RNLS: variants seen among roughly 807,000 people sequenced by gnomAD.
RNLS encodes renalase, FAD dependent amine oxidase.
In RNLS, 39 loss-of-function variants were observed where a neutral mutation model predicts 39.8. The ratio of observed to expected loss-of-function variants is 0.98; its 90% CI spans 0.76 to 1.28. The LOEUF (loss-of-function observed/expected upper bound fraction) is 1.28. RNLS is among the 50% of genes most tolerant of loss of function. The pLI is 0.00. For missense variants in RNLS, 410 were observed against 413.3 expected (o/e 0.99, Z 0.07); for synonymous variants, 147 against 150.7 (o/e 0.98, Z 0.18).
rs565993992 is a variant in RNLS at position 88,320,278 on chromosome 10, C to T, written c.701-5637G>A. On this transcript the variant is annotated intron_variant, in intron 5 of 6. Coordinates refer to ENST00000331772, the MANE Select transcript of RNLS (RefSeq NM_001031709.3). ...ACTCTTCTTTACCAGACCAGTCCTA[C>T]AAGAAAAGCTCAAAGAAGTTCTAAA... Among the ~76,000 whole-genome samples, 37 of 151,858 alleles carry T rather than the reference C, an allele frequency of 2.4e-4. No homozygotes were observed. The South Asian group carries it at 4.8e-3, about 20-fold the overall frequency.
rs1850245376 is a variant in RNLS, at chr10:88,576,938, C to T, written c.368-3877G>A. Reference sequence around the variant, plus strand: ...AAAACAAATAAATGCAGCAACAGCCCTCCCTATTGGTAGGACAAGCTAAAT... The same window carrying T: ...AAAACAAATAAATGCAGCAACAGCCTTCCCTATTGGTAGGACAAGCTAAAT... On this transcript the variant is annotated intron_variant, in intron 3 of 6. Transcript: ENST00000331772. Among the ~76,000 whole-genome samples the T allele has an allele frequency of 1.3e-5, 2 of 152,140 alleles. 1 individual carries two copies. The highest frequency in any genetic ancestry group is 4.8e-5 in the African/African-American group (2 of 41,428).
At chr10:88,359,127 A>G (rs1209623059) in intron 5 of RNLS, among the ~76,000 whole-genome samples, 1 of 152,158 alleles carries the variant, frequency 6.6e-6, no homozygotes, top group Non-Finnish European at 1.5e-5. Flanking sequence ...AGACTGGCCA[A>G]CTTGGTGAAG....
chr10:88,433,002 T>C (rs185245399), intron 4 of RNLS, among the ~76,000 whole-genome samples: 1 of 152,116 alleles, frequency 6.6e-6, no homozygotes, highest in East Asian at 1.9e-4. Context: ...ACATTAGACA[T>C]TGTGTTTACT....
intron 5 of RNLS, among the ~76,000 whole-genome samples, chr10:88,358,964 TTCAA>T (rs771220609): frequency 4.4e-4 from 67 of 152,318 alleles, no homozygotes; most frequent in Non-Finnish European, 5.0e-4. Flanking sequence ...TAATTATTGA[TTCAA>T]TCAAACACCC....
chr10:88,454,196 A>G (rs1326479616), intron 4 of RNLS, among the ~76,000 whole-genome samples: 2 of 152,234 alleles, frequency 1.3e-5, no homozygotes, highest in African/African-American at 4.8e-5. Flanking sequence ...TAGGGTAGAA[A>G]GAAATTCAAG....
chr10:88,223,890 A>G, the RNLS span, among the ~76,000 whole-genome samples: 1 of 152,188 alleles, frequency 6.6e-6, no homozygotes, highest in Admixed American at 6.5e-5. Flanking sequence ...GGAGAGCCAC[A>G]GACTGGTAAA....
the RNLS span, among the ~76,000 whole-genome samples, chr10:88,206,271 T>C: frequency 2.0e-5 from 3 of 152,196 alleles, no homozygotes; most frequent in Non-Finnish European, 2.9e-5. Flanking sequence ...AAACCATTCC[T>C]GTGAGCAGTT....
intron 4 of RNLS, among the ~76,000 whole-genome samples, chr10:88,423,555 T>G (rs1854534547): frequency 6.6e-6 from 1 of 152,228 alleles, no homozygotes; most frequent in African/African-American, 2.4e-5. Context: ...AAGAATCTCC[T>G]GAAATTAGCA....
chr10:88,454,190 G>A (rs1444266576), intron 4 of RNLS, among the ~76,000 whole-genome samples: 1 of 152,260 alleles, frequency 6.6e-6, no homozygotes, highest in Admixed American at 6.5e-5. Context: ...GAAGCCTAGG[G>A]TAGAAAGAAA....
intron 4 of RNLS, among the ~76,000 whole-genome samples, chr10:88,514,428 C>T (rs1200323443): frequency 6.6e-6 from 1 of 152,062 alleles, no homozygotes; most frequent in Non-Finnish European, 1.5e-5. Context: ...GACACACAGC[C>T]AAACAATATC....
At chr10:88,582,116 C>A in intron 2 of RNLS, 86 bp downstream of exon 2, 1 of 1,045,810 alleles carries the variant, frequency 9.6e-7, no homozygotes, top group Non-Finnish European at 1.4e-6. Context: ...TACTATGTTC[C>A]ATTTATCAGC....
At chr10:88,562,640 G>T (rs1849261819) in intron 4 of RNLS, among the ~76,000 whole-genome samples, 1 of 151,996 alleles carries the variant, frequency 6.6e-6, no homozygotes, top group Non-Finnish European at 1.5e-5. Context: ...AAGGAATAAA[G>T]AGATACTTGA....
chr10:88,189,950 G>A, the RNLS span, among the ~76,000 whole-genome samples: 6 of 152,142 alleles, frequency 3.9e-5, no homozygotes, highest in Non-Finnish European at 5.9e-5. Context: ...TTCAGCATCC[G>A]CCCTTCGAAA....
the RNLS span, among the ~76,000 whole-genome samples, chr10:88,253,451 G>C: frequency 2.6e-5 from 4 of 152,294 alleles, no homozygotes; most frequent in East Asian, 7.7e-4. Context: ...CTGGGGACAG[G>C]GGTGCCAGAT....
chr10:88,261,930 T>C, the RNLS span, among the ~76,000 whole-genome samples: 1 of 152,218 alleles, frequency 6.6e-6, no homozygotes, highest in East Asian at 1.9e-4. Flanking sequence ...GAGTGGGAAA[T>C]GAGGTCTTCA....
chr10:88,395,212 A>AAAG (rs1332171522), intron 4 of RNLS, among the ~76,000 whole-genome samples: 1 of 144,670 alleles, frequency 6.9e-6, no homozygotes, highest in East Asian at 2.0e-4. Context: ...AATTAAAAAA[A>AAAG]AAGTATCAAG....
At chr10:88,339,839 T>C (rs1347918309) in intron 5 of RNLS, among the ~76,000 whole-genome samples, 2 of 152,220 alleles carry the variant, frequency 1.3e-5, no homozygotes, top group Non-Finnish European at 2.9e-5. Context: ...CACAAGTGAA[T>C]ATGTATGTAT....
At chr10:88,443,528 C>T (rs185048513) in intron 4 of RNLS, among the ~76,000 whole-genome samples, 94 of 152,316 alleles carry the variant, frequency 6.2e-4, no homozygotes, top group African/African-American at 1.8e-3. Flanking sequence ...TCACCTCACC[C>T]GGGAAGTGCA....
At chr10:88,203,364 GTGTGTATA>G in the RNLS span, among the ~76,000 whole-genome samples, 9 of 13,384 alleles carry the variant, frequency 6.7e-4, 1 homozygote, top group South Asian at 0.013. Flanking sequence ...ATACGTATGT[GTGTGTATA>G]TATATATATA....
Sources: gnomAD v4.1 joint callset for allele counts (sites outside exome capture counted in the v4.1 genomes callset) on GRCh38, gnomAD v4.1.1 for gene constraint, MANE v1.5 for transcripts, NCBI Gene and HGNC (gene_info 2026-07-23, HGNC 2026-07-21) for gene names.